CTNNA2: variants seen among roughly 807,000 people sequenced by gnomAD.
CTNNA2 encodes catenin alpha 2.
Under a neutral mutation model 101.0 loss-of-function variants are expected in CTNNA2, and 42 were observed. The ratio of observed to expected loss-of-function variants is 0.42; its 90% CI spans 0.32 to 0.54. The LOEUF is 0.54. Ranked by LOEUF, CTNNA2 falls within the 20% of genes least tolerant of loss-of-function variation. CTNNA2 has a pLI of 0.14. For missense variants in CTNNA2, 871 were observed against 1,223.1 expected, an observed-to-expected ratio of 0.71 and a Z score of 4.29; for synonymous variants, 450 against 456.4, an observed-to-expected ratio of 0.99 and a Z score of 0.18.
At chr2:79,224,911 A>G (rs1674389007) in intron 2 of CTNNA2, among the ~76,000 whole-genome samples, 1 of 151,842 alleles carries the variant, frequency 6.6e-6, no homozygotes, top group South Asian at 2.1e-4. Flanking sequence ...TTTTAATCAC[A>G]TAAGGTTTTC....
intron 2 of CTNNA2, among the ~76,000 whole-genome samples, chr2:79,268,081 G>A (rs1032180078): frequency 6.6e-6 from 1 of 152,130 alleles, no homozygotes; most frequent in Non-Finnish European, 1.5e-5. Context: ...CAGTGATATT[G>A]AGAAGCTCAT....
chr2:79,399,493 C>T (rs1308505149), intron 4 of CTNNA2, among the ~76,000 whole-genome samples: 3 of 151,994 alleles, frequency 2.0e-5, no homozygotes, highest in Non-Finnish European at 1.5e-5. Context: ...TGTTCTCTAA[C>T]CAATCATTAA....
At chr2:79,741,946 A>G (rs767263075) in intron 2 of CTNNA2, among the ~76,000 whole-genome samples, 2 of 151,064 alleles carry the variant, frequency 1.3e-5, no homozygotes, top group Non-Finnish European at 3.0e-5. Flanking sequence ...ATGGAAGCCC[A>G]TCCCTTTCTT....
chr2:80,447,098 A>C (rs1388163909), intron 9 of CTNNA2, among the ~76,000 whole-genome samples: 1 of 152,170 alleles, frequency 6.6e-6, no homozygotes, highest in Non-Finnish European at 1.5e-5. Context: ...GTGTTACTTC[A>C]GTTAAATGGT....
intron 7 of CTNNA2, among the ~76,000 whole-genome samples, chr2:80,107,109 C>A (rs1170290682): frequency 6.6e-6 from 1 of 152,166 alleles, no homozygotes; most frequent in Non-Finnish European, 1.5e-5. Context: ...GCAGACAGGG[C>A]AGGTCCCTGG....
intron 7 of CTNNA2, among the ~76,000 whole-genome samples, chr2:80,172,616 G>A (rs1367945191): frequency 6.6e-6 from 1 of 152,168 alleles, no homozygotes; most frequent in Non-Finnish European, 1.5e-5. Context: ...CCATAAACTG[G>A]GTGGCTTAAA....
chr2:79,492,898 G>A (rs1671218364), intron 4 of CTNNA2, among the ~76,000 whole-genome samples: 1 of 152,040 alleles, frequency 6.6e-6, no homozygotes, highest in Admixed American at 6.6e-5. Flanking sequence ...ATGCAAAGTT[G>A]GCTTAATATC....
chr2:79,944,383 C>T (rs912800766), intron 7 of CTNNA2, among the ~76,000 whole-genome samples: 3 of 152,044 alleles, frequency 2.0e-5, no homozygotes, highest in African/African-American at 4.8e-5. Context: ...ATATATGTAC[C>T]CAACTTTAAA....
intron 7 of CTNNA2, among the ~76,000 whole-genome samples, chr2:80,275,673 AT>A (rs1313177643): frequency 9.2e-5 from 14 of 152,140 alleles, no homozygotes; most frequent in Non-Finnish European, 1.8e-4. Flanking sequence ...TACAGAGAAT[AT>A]TATTCTGTCA....
chr2:80,323,262 A>G, intron 7 of CTNNA2, among the ~76,000 whole-genome samples: 1 of 152,172 alleles, frequency 6.6e-6, no homozygotes, highest in East Asian at 1.9e-4. Context: ...CTTCTGATGT[A>G]ATAGGGCTCC....
chr2:79,749,449 G>A (rs544285280), intron 3 of CTNNA2, among the ~76,000 whole-genome samples: 2 of 152,120 alleles, frequency 1.3e-5, no homozygotes, highest in Non-Finnish European at 2.9e-5. Context: ...ATCTAGTTTG[G>A]TGTGTGTGTT....
At chr2:79,992,450 AT>A (rs2103904602) in intron 7 of CTNNA2, among the ~76,000 whole-genome samples, 1 of 152,334 alleles carries the variant, frequency 6.6e-6, no homozygotes, top group African/African-American at 2.4e-5. Flanking sequence ...CATTTGTTGT[AT>A]TTAAGCAAGT....
chr2:79,819,229 T>C (rs1416747310), intron 3 of CTNNA2, among the ~76,000 whole-genome samples: 4 of 152,146 alleles, frequency 2.6e-5, no homozygotes, highest in Non-Finnish European at 5.9e-5. Flanking sequence ...TCCGCCTGCC[T>C]TGGCCTCCCA....
intron 2 of CTNNA2, among the ~76,000 whole-genome samples, chr2:79,309,749 G>A (rs1676324326): frequency 6.6e-6 from 1 of 152,222 alleles, no homozygotes; most frequent in East Asian, 1.9e-4. Flanking sequence ...AGAAACTTTA[G>A]CATGTGTAAT....
chr2:79,226,281 C>G (rs1325272446), intron 2 of CTNNA2, among the ~76,000 whole-genome samples: 1 of 152,160 alleles, frequency 6.6e-6, no homozygotes, highest in African/African-American at 2.4e-5. Context: ...ATAGATCTGC[C>G]TCTTGAGCAA....
At position 79,673,700 on chromosome 2, in the gene CTNNA2, A is replaced by AAGAG. The variant is rs563240695; in HGVS notation, c.102+22045_102+22048dup. On this transcript the variant is annotated intron_variant, in intron 2 of 18. Transcript: ENST00000402739. ...CTTAATATTTTTTTCCTATTAGAGA[A>AAGAG]AGAGAGTGTGTGTGTATGTGTGGTT... 3.1e-3 allele frequency among the ~76,000 whole-genome samples: 477 copies of AAGAG among 152,284 alleles called. 4 individuals carry two copies. The highest frequency in any genetic ancestry group is 0.011 in the African/African-American group (449 of 41,550).
intron 16 of CTNNA2, chr2:80,605,315 CA>C (rs1697908510): frequency 6.6e-6 from 1 of 151,826 alleles, no homozygotes; most frequent in Non-Finnish European, 1.5e-5. Context: ...TCCCTATAAG[CA>C]ATAGTGATTT....
rs139346130 is a variant in CTNNA2, at chr2:79,990,292, A to G, written c.1056+80495A>G. Among the ~76,000 whole-genome samples, 584 of 152,300 alleles carry G rather than the reference A, an allele frequency of 3.8e-3. 2 individuals carry two copies. Among genetic ancestry groups the G allele is most frequent in the Non-Finnish European group, 6.5e-3 (442 of 68,020 alleles). On this transcript the variant is annotated intron_variant, in intron 7 of 18. Transcript: ENST00000402739. ...ACTCCCTGTGTCCATAAATTGCAGC[A>G]GAATAGAATGATTTTTGTGCACCTG...
At chr2:79,530,538 T>G (rs1672673639) in intron 1 of CTNNA2, among the ~76,000 whole-genome samples, 1 of 151,812 alleles carries the variant, frequency 6.6e-6, no homozygotes, top group African/African-American at 2.4e-5. Context: ...GAAGGAAGAG[T>G]TTCCAAGTTT....
Sources: allele counts gnomAD v4.1 joint callset (sites outside exome capture counted in the v4.1 genomes callset), GRCh38; gene constraint gnomAD v4.1.1; transcripts MANE v1.5; gene names NCBI Gene and HGNC (gene_info 2026-07-23, HGNC 2026-07-21).